PKHD1: variants seen among roughly 807,000 people sequenced by gnomAD.
The protein encoded by PKHD1 is fibrocystin.
In PKHD1, 291 loss-of-function variants were observed where a neutral mutation model predicts 412.0. That is an observed-to-expected ratio of 0.71 (90% confidence interval 0.64 to 0.78). PKHD1 has a LOEUF of 0.78. Among genes scored for constraint, PKHD1 ranks in the 30% least tolerant of loss-of-function variants. The pLI is 0.00. For missense variants in PKHD1, 4,825 were observed against 4,950.7 expected, an observed-to-expected ratio of 0.97 and a Z score of 0.76; for synonymous variants, 1,777 against 1,821.5, an observed-to-expected ratio of 0.98 and a Z score of 0.62.
chr6:51,701,854 T>C (rs1186066207), intron 60 of PKHD1, among the ~76,000 whole-genome samples: 1 of 151,784 alleles, frequency 6.6e-6, no homozygotes, highest in East Asian at 1.9e-4. Context: ...TTAGGCTTTG[T>C]GGCCAAGAGG....
intron 55 of PKHD1, among the ~76,000 whole-genome samples, chr6:51,758,053 A>AGAG (rs1491172795): frequency 4.7e-5 from 7 of 148,384 alleles, no homozygotes; most frequent in African/African-American, 7.4e-5. Flanking sequence ...AGAGAGAGAG[A>AGAG]AAACAAAGCA....
intron 36 of PKHD1, among the ~76,000 whole-genome samples, chr6:51,946,547 T>C (rs969356757): frequency 6.6e-6 from 1 of 152,214 alleles, no homozygotes; most frequent in Non-Finnish European, 1.5e-5. Context: ...ATGGGAGGGC[T>C]GTGGGAGGAC....
chr6:52,070,745 T>C (rs1231089409), intron 9 of PKHD1, among the ~76,000 whole-genome samples: 2 of 152,186 alleles, frequency 1.3e-5, no homozygotes, highest in Admixed American at 6.5e-5. Context: ...CATTTAAATA[T>C]TGATTTACTG....
chr6:51,817,544 A>G (rs937485210), intron 52 of PKHD1, among the ~76,000 whole-genome samples: 1 of 152,150 alleles, frequency 6.6e-6, no homozygotes, highest in African/African-American at 2.4e-5. Flanking sequence ...CCGTGTCCCC[A>G]GAGCAAACAC....
At chr6:51,817,950 T>C (rs887090870) in intron 52 of PKHD1, among the ~76,000 whole-genome samples, 4 of 152,092 alleles carry the variant, frequency 2.6e-5, no homozygotes, top group African/African-American at 9.7e-5. Flanking sequence ...GCCTGAAAAA[T>C]GCAGTCAGAT....
intron 50 of PKHD1, among the ~76,000 whole-genome samples, chr6:51,847,320 T>C (rs1332819253): frequency 6.7e-6 from 1 of 149,588 alleles, no homozygotes; most frequent in Non-Finnish European, 1.5e-5. Context: ...CTGGCTGGTC[T>C]CAAACTCCTA....
chr6:51,620,587 T>C (rs967124730), intron 66 of PKHD1, among the ~76,000 whole-genome samples: 1 of 152,072 alleles, frequency 6.6e-6, no homozygotes. Context: ...TTGTATGTAT[T>C]GAAGATCCTT....
At chr6:51,734,027 T>C (rs1201842052) in intron 60 of PKHD1, among the ~76,000 whole-genome samples, 1 of 152,232 alleles carries the variant, frequency 6.6e-6, no homozygotes, top group East Asian at 1.9e-4. Context: ...CATGTATTCC[T>C]GTAGACTAAT....
intron 66 of PKHD1, among the ~76,000 whole-genome samples, chr6:51,626,625 T>A (rs1240536049): frequency 6.6e-6 from 1 of 152,188 alleles, no homozygotes; most frequent in Non-Finnish European, 1.5e-5. Context: ...TAGTTGGTAT[T>A]TGGCAACTGT....
chr6:51,929,444 TA>T (rs1786232361), intron 37 of PKHD1, among the ~76,000 whole-genome samples: 1 of 152,176 alleles, frequency 6.6e-6, no homozygotes, highest in South Asian at 2.1e-4. Context: ...TTGAGCAATT[TA>T]AACCTTTATT....
intron 60 of PKHD1, among the ~76,000 whole-genome samples, chr6:51,703,866 A>G (rs1269721438): frequency 6.6e-6 from 1 of 152,072 alleles, no homozygotes; most frequent in Non-Finnish European, 1.5e-5. Flanking sequence ...TAATTCCTGG[A>G]AAGCTCATCT....
chr6:52,059,873 T>C (rs1444102855), intron 15 of PKHD1, 55 bp downstream of exon 15: 3 of 861,430 alleles, frequency 3.5e-6, no homozygotes, highest in Non-Finnish European at 6.1e-6. Context: ...TCTTTCTTTC[T>C]TCATGGGTAT....
intron 35 of PKHD1, among the ~76,000 whole-genome samples, chr6:51,996,003 C>T (rs938726192): frequency 2.0e-5 from 3 of 150,840 alleles, no homozygotes; most frequent in Non-Finnish European, 3.0e-5. Flanking sequence ...GATTAAAGAA[C>T]GGCAATTTTT....
chr6:51,940,491 C>A (rs1338531948), intron 36 of PKHD1, among the ~76,000 whole-genome samples: 1 of 151,666 alleles, frequency 6.6e-6, no homozygotes, highest in Non-Finnish European at 1.5e-5. Context: ...CCAAGGAATG[C>A]CCACAGCCCG....
chr6:51,845,372 G>A (rs980330276), intron 50 of PKHD1, among the ~76,000 whole-genome samples: 5 of 152,180 alleles, frequency 3.3e-5, no homozygotes, highest in African/African-American at 4.8e-5. Flanking sequence ...AATGAGAACA[G>A]AAGTGGCTCT....
chr6:51,862,976 C>G (rs1774444387), intron 48 of PKHD1, among the ~76,000 whole-genome samples: 1 of 152,302 alleles, frequency 6.6e-6, no homozygotes, highest in Non-Finnish European at 1.5e-5. Flanking sequence ...CTGCAGTAAC[C>G]TATTCAATTA....
chr6:52,065,685 C>A (rs1294236071), intron 12 of PKHD1, among the ~76,000 whole-genome samples: 2 of 152,072 alleles, frequency 1.3e-5, no homozygotes, highest in Admixed American at 1.3e-4. Context: ...AGAAGTAAAC[C>A]TTTGTCAAGA....
chr6:51,968,467 TG>T, intron 35 of PKHD1, among the ~76,000 whole-genome samples: 1 of 152,320 alleles, frequency 6.6e-6, no homozygotes, highest in Middle Eastern at 3.4e-3. Context: ...GGCATATTTC[TG>T]GATCTAGGGT....
At chr6:51,732,361 T>C (rs1343449777) in intron 60 of PKHD1, among the ~76,000 whole-genome samples, 2 of 152,068 alleles carry the variant, frequency 1.3e-5, no homozygotes, top group Non-Finnish European at 2.9e-5. Flanking sequence ...ACCTGAAGTA[T>C]GGGGGGAAAT....
Sources: gnomAD v4.1 joint callset for allele counts (sites outside exome capture counted in the v4.1 genomes callset) on GRCh38, gnomAD v4.1.1 for gene constraint, MANE v1.5 for transcripts, NCBI Gene and HGNC (gene_info 2026-07-23, HGNC 2026-07-21) for gene names.